The following RARB variants were observed in gnomAD, a reference collection of about 807,000 sequenced individuals.
RARB encodes the protein HBV-activated protein.
In RARB, 17 loss-of-function variants were observed where a neutral mutation model predicts 51.9. The observed-to-expected ratio is 0.33, with a 90% CI of 0.22 to 0.49. The LOEUF (loss-of-function observed/expected upper bound fraction) is 0.49. RARB is among the 20% of genes least tolerant of loss of function. RARB has a pLI of 0.99. For missense variants in RARB, 369 were observed against 550.8 expected (o/e 0.67, Z 3.30); for synonymous variants, 215 against 195.4 (o/e 1.10, Z -0.84).
chr3:25,031,899 A>G (rs922673717), intron 2 of RARB, among the ~76,000 whole-genome samples: 4 of 152,234 alleles, frequency 2.6e-5, no homozygotes, highest in Non-Finnish European at 5.9e-5. Flanking sequence ...ACCTGAATAG[A>G]ATCCACATCA....
At chr3:25,028,493 T>C (rs1483766186) in intron 2 of RARB, among the ~76,000 whole-genome samples, 3 of 152,168 alleles carry the variant, frequency 2.0e-5, no homozygotes, top group Non-Finnish European at 4.4e-5. Flanking sequence ...GTTGCCAATA[T>C]GTAGTTTCAA....
At chr3:25,344,122 A>T (rs1035398419) in intron 5 of RARB, among the ~76,000 whole-genome samples, 2 of 152,146 alleles carry the variant, frequency 1.3e-5, no homozygotes, top group Non-Finnish European at 1.5e-5. Flanking sequence ...CACTTCTCCA[A>T]ACTAATTGCC....
intron 4 of RARB, among the ~76,000 whole-genome samples, chr3:25,165,722 C>A (rs1157016610): frequency 6.6e-6 from 1 of 152,136 alleles, no homozygotes; most frequent in South Asian, 2.1e-4. Flanking sequence ...TTAGGTGAAG[C>A]CTGACTTCAG....
chr3:25,113,755 T>A (rs1699641585), intron 3 of RARB, among the ~76,000 whole-genome samples: 2 of 151,778 alleles, frequency 1.3e-5, no homozygotes, highest in Non-Finnish European at 2.9e-5. Context: ...AGATGGTAGG[T>A]AGAAAGCAGT....
chr3:25,056,294 T>C (rs958121510), intron 2 of RARB, among the ~76,000 whole-genome samples: 3 of 152,038 alleles, frequency 2.0e-5, no homozygotes, highest in African/African-American at 7.2e-5. Context: ...GTGTAGCACA[T>C]CAGGGGAGGG....
In RARB at chr3:25,164,608, A is replaced by G. The variant is rs1345289200; in HGVS notation, c.-279-9511A>G. Among the ~76,000 whole-genome samples, 3 of 152,292 alleles carry G rather than the reference A, an allele frequency of 2.0e-5. No individual in the cohort carries two copies. In the East Asian group the frequency reaches 5.8e-4, roughly 29 times the overall value. On this transcript the variant is annotated intron_variant, in intron 4 of 11. Transcript: ENST00000383772. The stretch of plus-strand genomic sequence containing the variant: ...AGACTTGATTTTCTAGAATAGATAT[A>G]CCCCTTCAAATTATAGGTATGTTGT...
intron 3 of RARB, among the ~76,000 whole-genome samples, chr3:25,131,876 A>G (rs1033951252): frequency 3.3e-5 from 5 of 151,924 alleles, no homozygotes; most frequent in African/African-American, 1.2e-4. Context: ...CACAAAATCT[A>G]TGTGGGATAG....
intron 4 of RARB, among the ~76,000 whole-genome samples, chr3:25,153,452 GT>G (rs1224725909): frequency 6.6e-6 from 1 of 151,154 alleles, no homozygotes; most frequent in Non-Finnish European, 1.5e-5. Context: ...ACTGACTTTA[GT>G]CCATTTGTAC....
chr3:25,320,047 A>G (rs180921563), intron 5 of RARB, among the ~76,000 whole-genome samples: 1 of 146,754 alleles, frequency 6.8e-6, no homozygotes, highest in Non-Finnish European at 1.5e-5. Flanking sequence ...TTTTTTGCTA[A>G]TGGATGTTTT....
At chr3:25,364,682 A>G (rs949472963) in intron 5 of RARB, among the ~76,000 whole-genome samples, 3 of 152,208 alleles carry the variant, frequency 2.0e-5, no homozygotes, top group African/African-American at 7.2e-5. Context: ...GCCACAGTGA[A>G]GGTTGTTTCT....
intron 3 of RARB, among the ~76,000 whole-genome samples, chr3:25,567,605 A>G (rs1193057129): frequency 1.3e-5 from 2 of 152,174 alleles, no homozygotes; most frequent in East Asian, 3.9e-4. Flanking sequence ...ACTGTCATGA[A>G]CATTCATGGA....
intron 5 of RARB, among the ~76,000 whole-genome samples, chr3:25,412,142 A>G (rs1050795086): frequency 2.6e-5 from 4 of 152,194 alleles, no homozygotes; most frequent in Non-Finnish European, 4.4e-5. Context: ...CTTGTAGTCA[A>G]AGTGCTTCAT....
At chr3:25,203,566 G>T (rs190780144) in intron 5 of RARB, among the ~76,000 whole-genome samples, 1 of 152,152 alleles carries the variant, frequency 6.6e-6, no homozygotes, top group Non-Finnish European at 1.5e-5. Flanking sequence ...GCAGTGGCTG[G>T]TACTGGTTGT....
At chr3:25,474,129 G>A (rs1235778750) in intron 2 of RARB, among the ~76,000 whole-genome samples, 5 of 152,038 alleles carry the variant, frequency 3.3e-5, no homozygotes, top group African/African-American at 1.2e-4. Flanking sequence ...ATTCTCCACT[G>A]GGCTTTTGAA....
At chr3:25,433,334 T>C (rs971379619) in intron 1 of RARB, among the ~76,000 whole-genome samples, 7 of 152,232 alleles carry the variant, frequency 4.6e-5, no homozygotes, top group African/African-American at 9.6e-5. Context: ...CTATAGTCAA[T>C]ATAAGTAGAG....
At chr3:25,344,429 C>T (rs966493839) in intron 5 of RARB, among the ~76,000 whole-genome samples, 1 of 152,130 alleles carries the variant, frequency 6.6e-6, no homozygotes, top group Non-Finnish European at 1.5e-5. Context: ...AACAAAATAA[C>T]TTATCAAAAT....
chr3:25,086,070 T>A (rs1221059800), intron 3 of RARB, among the ~76,000 whole-genome samples: 11 of 152,180 alleles, frequency 7.2e-5, no homozygotes, highest in Non-Finnish European at 1.5e-4. Context: ...CACTATGGGT[T>A]CACTATATCC....
intron 5 of RARB, among the ~76,000 whole-genome samples, chr3:25,411,542 G>A (rs567055607): frequency 6.6e-6 from 1 of 152,176 alleles, no homozygotes; most frequent in African/African-American, 2.4e-5. Flanking sequence ...GTGGGATGTG[G>A]AGAGTTCCTC....
At chr3:25,241,943 T>C (rs947745925) in intron 5 of RARB, among the ~76,000 whole-genome samples, 5 of 152,220 alleles carry the variant, frequency 3.3e-5, no homozygotes, top group Non-Finnish European at 7.3e-5. Context: ...GTAAAAACTT[T>C]CCTATTTCTC....
Sources: allele counts gnomAD v4.1 joint callset (sites outside exome capture counted in the v4.1 genomes callset), GRCh38; gene constraint gnomAD v4.1.1; transcripts MANE v1.5; gene names NCBI Gene and HGNC (gene_info 2026-07-23, HGNC 2026-07-21).